The following SMAP1 variants were observed in gnomAD, a reference collection of about 807,000 sequenced individuals.
SMAP1 encodes small ArfGAP 1.
SMAP1 carries 24 observed loss-of-function variants against 58.5 expected under a neutral mutation model. The observed-to-expected ratio is 0.41, with a 90% CI of 0.30 to 0.58. The LOEUF (loss-of-function observed/expected upper bound fraction) is 0.58, where lower values mean the gene tolerates loss of function less well. Ranked by LOEUF, SMAP1 falls within the 20% of genes least tolerant of loss-of-function variation. The pLI is 0.29. For synonymous variants in SMAP1, 216 were observed against 196.6 expected (o/e 1.10, Z -0.82); for missense variants, 563 against 566.3 (o/e 0.99, Z 0.06).
At chr6:70,825,612 G>T (rs989874311) in intron 6 of SMAP1, among the ~76,000 whole-genome samples, 2 of 152,072 alleles carry the variant, frequency 1.3e-5, no homozygotes, top group African/African-American at 4.8e-5. Context: ...AGAGTCTTAC[G>T]AACAGGAGCT....
At position 70,701,085 on chromosome 6, in the gene SMAP1, T is replaced by C. The variant is rs145490947; in HGVS notation, c.119-31293T>C. On this transcript the variant is annotated intron_variant, in intron 1 of 10. Coordinates refer to ENST00000370455, the MANE Select transcript of SMAP1 (RefSeq NM_001044305.3). The stretch of plus-strand genomic sequence containing the variant: ...AGGAGTCTCTCCTAGAGCTGTGAGC[T>C]GTGCCACCTGGGATTGGGGGAGTGG... Among the ~76,000 whole-genome samples, 384 of 152,300 alleles carry C rather than the reference T, an allele frequency of 2.5e-3. 2 individuals are homozygous for C. The highest frequency in any genetic ancestry group is 3.8e-3 in the Non-Finnish European group (260 of 68,020).
chr6:70,675,159 A>G (rs1581978319), intron 1 of SMAP1, among the ~76,000 whole-genome samples: 3 of 149,550 alleles, frequency 2.0e-5, no homozygotes, highest in Admixed American at 6.7e-5. Flanking sequence ...AAAAAAAAGC[A>G]AATAATAACA....
At chr6:70,680,653 A>G (rs1213275248) in intron 1 of SMAP1, among the ~76,000 whole-genome samples, 2 of 151,862 alleles carry the variant, frequency 1.3e-5, no homozygotes, top group Non-Finnish European at 2.9e-5. Flanking sequence ...CATTATATTT[A>G]CAAAAGAATC....
chr6:70,683,245 A>G (rs1766799574), intron 1 of SMAP1, among the ~76,000 whole-genome samples: 2 of 138,986 alleles, frequency 1.4e-5, no homozygotes, highest in Non-Finnish European at 3.0e-5. Context: ...GTCTCAGCTC[A>G]TTGCAACCTC....
At chr6:70,722,161 T>C (rs1768557509) in intron 1 of SMAP1, among the ~76,000 whole-genome samples, 1 of 152,182 alleles carries the variant, frequency 6.6e-6, no homozygotes, top group African/African-American at 2.4e-5. Context: ...TAAAGCATAC[T>C]GTTAGATTGA....
chr6:70,692,604 G>A (rs1200366726), intron 1 of SMAP1, among the ~76,000 whole-genome samples: 1 of 152,174 alleles, frequency 6.6e-6, no homozygotes, highest in African/African-American at 2.4e-5. Context: ...TATGGTGAGA[G>A]ATACGAGTCA....
intron 1 of SMAP1, among the ~76,000 whole-genome samples, chr6:70,681,595 T>G (rs1265506884): frequency 2.6e-5 from 4 of 152,200 alleles, no homozygotes; most frequent in African/African-American, 9.7e-5. Flanking sequence ...ATGGTCTGAG[T>G]AAAGATTTTG....
chr6:70,818,094 A>G (rs1262411873), intron 6 of SMAP1, among the ~76,000 whole-genome samples: 3 of 152,240 alleles, frequency 2.0e-5, no homozygotes, highest in African/African-American at 4.8e-5. Flanking sequence ...TGAATATTCA[A>G]GTAATTTTAG....
chr6:70,695,266 C>T (rs1767353547), intron 1 of SMAP1, among the ~76,000 whole-genome samples: 1 of 152,140 alleles, frequency 6.6e-6, no homozygotes, highest in South Asian at 2.1e-4. Flanking sequence ...AAATTGGATG[C>T]CCTTTCTTTC....
intron 1 of SMAP1, among the ~76,000 whole-genome samples, chr6:70,709,878 G>C (rs1767980722): frequency 1.3e-5 from 2 of 151,590 alleles, no homozygotes; most frequent in Admixed American, 1.3e-4. Flanking sequence ...TTTTTAATCA[G>C]TGTTTTATAG....
intron 6 of SMAP1, among the ~76,000 whole-genome samples, chr6:70,823,010 A>AT (rs1021863829): frequency 1.8e-4 from 27 of 151,688 alleles, no homozygotes; most frequent in Non-Finnish European, 3.0e-5. Context: ...ATCTCTCTTT[A>AT]TATTACCTAT....
At chr6:70,794,339 A>C (rs918967980) in intron 5 of SMAP1, among the ~76,000 whole-genome samples, 1 of 152,208 alleles carries the variant, frequency 6.6e-6, no homozygotes, top group Admixed American at 6.5e-5. Flanking sequence ...AAACTGCATG[A>C]TGAGTTTAGA....
At chr6:70,668,581 G>T in intron 1 of SMAP1, 1 of 1,535,588 alleles carries the variant, frequency 6.5e-7, no homozygotes, top group African/African-American at 1.4e-5. Flanking sequence ...TCTACCCTCC[G>T]GTGTGACCAC....
chr6:70,832,813 G>A (rs1770416225), intron 6 of SMAP1, among the ~76,000 whole-genome samples: 2 of 152,152 alleles, frequency 1.3e-5, no homozygotes, highest in Admixed American at 1.3e-4. Flanking sequence ...TGAGAGTAGA[G>A]CCCTCCTGAC....
intron 8 of SMAP1, among the ~76,000 whole-genome samples, chr6:70,854,081 A>C (rs904477505): frequency 6.6e-6 from 1 of 152,222 alleles, no homozygotes; most frequent in African/African-American, 2.4e-5. Context: ...ATTCTTAAGC[A>C]CAAGTAGTGC....
chr6:70,692,311 A>G (rs1767203389), intron 1 of SMAP1, among the ~76,000 whole-genome samples: 1 of 151,848 alleles, frequency 6.6e-6, no homozygotes, highest in Admixed American at 6.6e-5. Flanking sequence ...GAGTTGTTTG[A>G]GCTCATTATA....
rs1272351742 is a variant in SMAP1 at position 70,860,728 on chromosome 6, A to G, written c.*394A>G. On this transcript the variant is annotated 3_prime_UTR_variant, in exon 11 of 11. Coordinates refer to ENST00000370455, the MANE Select transcript of SMAP1 (RefSeq NM_001044305.3). Reference sequence around the variant, plus strand: ...AAAATTAGCCAGTAATCCTGTAGGAAGGTACTGTATGATCAAATGTTTAAT... The same window carrying G: ...AAAATTAGCCAGTAATCCTGTAGGAGGGTACTGTATGATCAAATGTTTAAT... The G allele has an allele frequency of 2.5e-6, 1 of 403,140 alleles. No individual in the cohort carries two copies. Among genetic ancestry groups the G allele is most frequent in the Non-Finnish European group, 4.4e-6 (1 of 228,438 alleles). The allele number at this position is 403,140 out of a possible 1,614,324, so 25.0% of individuals were successfully genotyped here.
chr6:70,691,609 C>A (rs1382749439), intron 1 of SMAP1, among the ~76,000 whole-genome samples: 1 of 152,018 alleles, frequency 6.6e-6, no homozygotes, highest in Admixed American at 6.6e-5. Flanking sequence ...TGCACCAACC[C>A]CCTACTCTTC....
At chr6:70,791,060 C>T (rs1768329283) in intron 4 of SMAP1, among the ~76,000 whole-genome samples, 1 of 152,108 alleles carries the variant, frequency 6.6e-6, no homozygotes, top group African/African-American at 2.4e-5. Flanking sequence ...TGGGGTAATT[C>T]AGCAAGTATA....
Sources: allele counts gnomAD v4.1 joint callset (sites outside exome capture counted in the v4.1 genomes callset), GRCh38; gene constraint gnomAD v4.1.1; transcripts MANE v1.5; gene names NCBI Gene and HGNC (gene_info 2026-07-23, HGNC 2026-07-21).